Variants in PRIMPOL observed in about 807,000 individuals in gnomAD.
The protein encoded by PRIMPOL is DNA-directed primase/polymerase protein.
PRIMPOL carries 54 observed loss-of-function variants against 63.6 expected under a neutral mutation model. The ratio of observed to expected loss-of-function variants is 0.85; its 90% confidence interval spans 0.68 to 1.07. The LOEUF (loss-of-function observed/expected upper bound fraction) is 1.07, where lower values mean the gene tolerates loss of function less well. Ranked by LOEUF, PRIMPOL falls within the 50% of genes least tolerant of loss-of-function variation. The pLI is 0.00. For synonymous variants in PRIMPOL, 197 were observed against 220.2 expected (o/e 0.89, Z 0.93); for missense variants, 610 against 648.3 (o/e 0.94, Z 0.64).
chr4:184,694,830 T>C lies in PRIMPOL; in HGVS notation c.*51T>C, dbSNP rs895649470. On this transcript the variant is annotated 3_prime_UTR_variant, in exon 14 of 14. Coordinates refer to ENST00000314970, the MANE Select transcript of PRIMPOL (RefSeq NM_152683.4). ...ACCAGGCTATAATTTGCCTGATGTC[T>C]GTGAGATTTGATAAATATATCATTC... 1 of 1,443,428 alleles carries C rather than the reference T, an allele frequency of 6.9e-7. No homozygotes were observed. Among genetic ancestry groups the C allele is most frequent in the Non-Finnish European group, 9.6e-7 (1 of 1,040,832 alleles). The allele number at this position is 1,443,428 out of a possible 1,614,324, so 89.4% of individuals were successfully genotyped here. A position where few individuals can be genotyped will look rare whatever the true frequency, so the allele number is the denominator to read the frequency against.
At chr4:184,667,305 C>G (rs1251093877) in intron 6 of PRIMPOL, among the ~76,000 whole-genome samples, 3 of 130,288 alleles carry the variant, frequency 2.3e-5, no homozygotes, top group South Asian at 2.8e-4. Context: ...GCATGGAGAA[C>G]AGTGAAAGTG....
intron 9 of PRIMPOL, among the ~76,000 whole-genome samples, chr4:184,684,544 C>G: frequency 6.6e-6 from 1 of 151,940 alleles, no homozygotes; most frequent in Non-Finnish European, 1.5e-5. Context: ...ATTGTATTGT[C>G]AGTACCTTCC....
intron 5 of PRIMPOL, among the ~76,000 whole-genome samples, chr4:184,662,652 TACTG>T (rs1454407949): frequency 6.6e-6 from 1 of 152,208 alleles, no homozygotes; most frequent in Non-Finnish European, 1.5e-5. Context: ...TACTGACACT[TACTG>T]ACTAGCTATT....
intron 6 of PRIMPOL, among the ~76,000 whole-genome samples, chr4:184,671,850 C>A (rs954725080): frequency 7.3e-5 from 11 of 150,192 alleles, no homozygotes; most frequent in Non-Finnish European, 1.6e-4. Flanking sequence ...TCATGCCATT[C>A]GCCCACCTCA....
At chr4:184,667,531 T>G (rs6836427) in intron 6 of PRIMPOL, among the ~76,000 whole-genome samples, 2,333 of 152,212 alleles carry the variant, frequency 0.015, 52 homozygotes, top group African/African-American at 0.052. Context: ...AGGATGGTCT[T>G]GATCCCCTGA....
chr4:184,653,374 A>T (rs1745282348), intron 2 of PRIMPOL, among the ~76,000 whole-genome samples: 1 of 152,228 alleles, frequency 6.6e-6, no homozygotes, highest in Non-Finnish European at 1.5e-5. Context: ...TTACTCGAAA[A>T]GAACTAACAT....
intron 7 of PRIMPOL, among the ~76,000 whole-genome samples, chr4:184,673,719 G>A (rs757375262): frequency 3.3e-5 from 5 of 152,130 alleles, no homozygotes; most frequent in Admixed American, 1.3e-4. Context: ...CACTGCGCCC[G>A]CCAGACAGCA....
Position 184,691,529 on chromosome 4 carries a change from G to A in PRIMPOL, c.1326G>A (p.Trp442Ter), listed in dbSNP as rs747904259. The change falls in exon 12 of 14, where the codon TGG (tryptophan) becomes TGA (stop). Residue 442 changes from tryptophan to a stop codon, truncating the protein, a stop_gained. Transcript: ENST00000314970. LOFTEE classifies it high-confidence loss of function. Reference protein sequence around the residue: ...MILVDLKNEVWYQKCHDPVCK... With the variant: ...MILVDLKNEV ...TGGTTGATCTGAAAAATGAAGTTTG[G>A]TATCAAAAATGTCATGACCCTGTAT... 6 of 1,600,916 alleles carry A rather than the reference G, an allele frequency of 3.7e-6. 1 individual carries two copies. The South Asian group carries it at 5.5e-5, about 15-fold the overall frequency.
At chr4:184,676,422 C>A (rs1579496075) in intron 7 of PRIMPOL, among the ~76,000 whole-genome samples, 1 of 99,676 alleles carries the variant, frequency 1.0e-5, no homozygotes, top group African/African-American at 5.0e-5. Context: ...CCCTTCCCTT[C>A]TCCCTTCCCC....
intron 2 of PRIMPOL, among the ~76,000 whole-genome samples, chr4:184,652,408 A>G (rs991799591): frequency 2.1e-3 from 49 of 22,962 alleles, no homozygotes; most frequent in African/African-American, 4.9e-3. Context: ...AGGAACTGGA[A>G]AAAAAAAAAG....
chr4:184,661,665 C>A, intron 4 of PRIMPOL, 109 bp from the exon 5 acceptor site: 2 of 637,728 alleles, frequency 3.1e-6, no homozygotes, highest in Admixed American at 3.1e-5. Context: ...GAGATCACAC[C>A]ACTGCAGTCC....
chr4:184,690,903 T>C (rs1452997821), intron 11 of PRIMPOL, among the ~76,000 whole-genome samples: 1 of 152,238 alleles, frequency 6.6e-6, no homozygotes, highest in African/African-American at 2.4e-5. Context: ...TTGTTCTTAA[T>C]TTCCAAATTA....
rs182641869 is a variant in PRIMPOL, at chr4:184,653,857, A to T, written c.-60+1757A>T. ...AGGGATGAGGAATGTGATAGTCCCA[A>T]ACCAGAATGCCAGATGCCTTACTGT... On this transcript the variant is annotated intron_variant, in intron 2 of 13. Transcript: ENST00000314970. Among the ~76,000 whole-genome samples, 4 of 152,352 alleles carry T rather than the reference A, an allele frequency of 2.6e-5. No individual in the cohort carries two copies. In the East Asian group the frequency reaches 7.7e-4, roughly 29 times the overall value.
intron 8 of PRIMPOL, among the ~76,000 whole-genome samples, chr4:184,680,285 T>G (rs1339708068): frequency 1.3e-5 from 2 of 152,162 alleles, no homozygotes; most frequent in African/African-American, 4.8e-5. Flanking sequence ...CCTCACAGGT[T>G]CAAGCGATTC....
chr4:184,679,974 G>C (rs1755169087), intron 8 of PRIMPOL, among the ~76,000 whole-genome samples: 1 of 152,162 alleles, frequency 6.6e-6, no homozygotes, highest in African/African-American at 2.4e-5. Flanking sequence ...AGGAAATGAT[G>C]TTGAACAAAA....
Position 184,659,424 on chromosome 4 carries a change from T to C in PRIMPOL, c.265T>C (p.Tyr89His), listed in dbSNP as rs200857997. 16 of 1,610,904 alleles carry C rather than the reference T, an allele frequency of 9.9e-6. No homozygotes were observed. Among genetic ancestry groups the C allele is most frequent in the Non-Finnish European group, 1.4e-5 (16 of 1,177,058 alleles). ...GACAACCTATGCTGAATTTTGGTTT[T>C]ACTATAAATCCAGGTAGGTAGCATG... is the stretch of plus-strand genomic sequence containing the variant. Reference protein sequence around the residue: ...LVTTYAEFWFYYKSRKNLLHC... With the variant: ...LVTTYAEFWFHYKSRKNLLHC... The change falls in exon 4 of 14, where the codon TAC becomes CAC. Residue 89 changes from tyrosine to histidine, a missense_variant. Around this residue, in one of 3 missense-constraint regions of PRIMPOL, gnomAD observed 159 missense variants for 168.9 expected, o/e 0.94. Transcript: ENST00000314970.
chr4:184,678,866 A>G (rs1561045084), intron 8 of PRIMPOL, among the ~76,000 whole-genome samples: 1 of 152,088 alleles, frequency 6.6e-6, no homozygotes, highest in Admixed American at 6.6e-5. Context: ...TCTTTTCTCC[A>G]TTAGCTAAAA....
chr4:184,685,424 G>T lies in PRIMPOL; in HGVS notation c.1112G>T (p.Gly371Val). The T allele has an allele frequency of 6.2e-7, 1 of 1,610,172 alleles. No homozygotes were observed. Among genetic ancestry groups the T allele is most frequent in the Non-Finnish European group, 8.5e-7 (1 of 1,176,562 alleles). Residue 371 changes from glycine (G) to valine (V), a missense_variant, in exon 10 of 14, where the codon GGT becomes GTT. Gly to Val is a moderately radical substitution (Grantham distance 109, BLOSUM62 -3). Coordinates refer to ENST00000314970, the MANE Select transcript of PRIMPOL (RefSeq NM_152683.4). Reference sequence around the variant, plus strand: ...TCTGTTGCAGTAGAAACCATTGAAGGTTTTCAGTGTTCTCCCTATCCTGAA... The same window carrying T: ...TCTGTTGCAGTAGAAACCATTGAAGTTTTTCAGTGTTCTCCCTATCCTGAA... ...SIGTSVETIE[G>V]FQCSPYPEVD...
chr4:184,664,014 A>G (rs1749114761), intron 5 of PRIMPOL, among the ~76,000 whole-genome samples: 1 of 152,254 alleles, frequency 6.6e-6, no homozygotes, highest in Non-Finnish European at 1.5e-5. Context: ...CCCCTTCTCC[A>G]CAGTTAGAAT....
Sources: allele counts gnomAD v4.1 joint callset (sites outside exome capture counted in the v4.1 genomes callset), GRCh38; gene constraint gnomAD v4.1.1; regional missense constraint gnomAD v4.1.1; transcripts MANE v1.5; gene names NCBI Gene and HGNC (gene_info 2026-07-23, HGNC 2026-07-21).